The following GLIPR1 variants were observed in gnomAD, a reference collection of about 807,000 sequenced individuals.
GLIPR1 encodes GLI pathogenesis related 1, also known as glioma pathogenesis-related protein 1.
In GLIPR1, 38 loss-of-function variants were observed where a neutral mutation model predicts 30.3. The observed-to-expected ratio is 1.26, with a 90% CI of 0.97 to 1.65. The LOEUF is 1.65. GLIPR1 is among the 40% of genes most tolerant of loss of function. GLIPR1 has a pLI of 0.00. For missense variants in GLIPR1, 285 were observed against 326.5 expected (o/e 0.87, Z 0.98); for synonymous variants, 122 against 110.6 (o/e 1.10, Z -0.65).
Position 75,501,633 on chromosome 12 carries a change from T to TA in GLIPR1, c.*2656dup, listed in dbSNP as rs1425858555. On this transcript the variant is annotated 3_prime_UTR_variant, in exon 6 of 6. Transcript: ENST00000266659. ...AATGCTAAGAGAACTGATGAAAAGA[T>TA]ACAACTGTTTCTTAAAAAGATTCAG... 1 of 807,900 alleles carries TA rather than the reference T, an allele frequency of 1.2e-6. No individual in the cohort carries two copies. The allele number at this position is 807,900 out of a possible 1,614,324, so 50.0% of individuals were successfully genotyped here.
At chr12:75,493,247 C>G (rs2046333263) in intron 3 of GLIPR1, 1 of 152,138 alleles carries the variant, frequency 6.6e-6, no homozygotes, top group African/African-American at 2.4e-5. Flanking sequence ...ATTAGAGGAG[C>G]ATAAAAGGTA....
intron 2 of GLIPR1, among the ~76,000 whole-genome samples, 175 bp from the exon 3 acceptor site, chr12:75,490,231 A>C (rs912284759): frequency 3.3e-4 from 49 of 147,580 alleles, no homozygotes; most frequent in Middle Eastern, 3.5e-3. Flanking sequence ...ACACACACAC[A>C]CACCCCAATA....
intron 2 of GLIPR1, among the ~76,000 whole-genome samples, chr12:75,489,484 T>C (rs2120523550): frequency 6.6e-6 from 1 of 152,270 alleles, no homozygotes. Flanking sequence ...CAAGTTAATC[T>C]TCACTTGATA....
At chr12:75,481,104 T>C in intron 1 of GLIPR1, 50 bp downstream of exon 1, 6 of 1,426,052 alleles carry the variant, frequency 4.2e-6, no homozygotes, top group Non-Finnish European at 5.9e-6. Flanking sequence ...AAACAACTAA[T>C]GTGTATTGAC....
chr12:75,490,195 TCACACACACA>T lies in GLIPR1; in HGVS notation c.421-181_421-172del, dbSNP rs71829276. Among the ~76,000 whole-genome samples the T allele has an allele frequency of 8.0e-3, 1,128 of 141,590 alleles. 8 individuals carry two copies. The highest frequency in any genetic ancestry group is 0.024 in the African/African-American group (920 of 37,704). The allele number at this position is 141,590 out of a possible 152,430, so 92.9% of individuals were successfully genotyped here. ...TTGTACTGTCAAAAATTATCTTATT[TCACACACACA>T]CACACACACACACACACACACACAC... On this transcript the variant is annotated intron_variant, in intron 2 of 5. Transcript: ENST00000266659.
intron 4 of GLIPR1, chr12:75,495,955 A>G (rs977262630): frequency 2.6e-5 from 6 of 228,124 alleles, no homozygotes; most frequent in African/African-American, 1.4e-4. Flanking sequence ...AAGATCAAAA[A>G]TAAGTATAAC....
chr12:75,498,510 A>G, intron 4 of GLIPR1, 184 bp from the exon 5 acceptor site: 1 of 533,686 alleles, frequency 1.9e-6, no homozygotes, highest in Non-Finnish European at 3.3e-6. Flanking sequence ...GTAAAAAGTC[A>G]ACTTAAAAAT....
At chr12:75,497,727 C>T (rs948812476) in intron 4 of GLIPR1, 1 of 152,062 alleles carries the variant, frequency 6.6e-6, no homozygotes, top group Admixed American at 6.6e-5. Context: ...GGTATTCCTT[C>T]GTGGTCTCCT....
intron 3 of GLIPR1, chr12:75,492,867 T>C (rs1049324975): frequency 2.0e-5 from 3 of 152,186 alleles, no homozygotes; most frequent in African/African-American, 7.2e-5. Context: ...TAAGGAACTA[T>C]AAATAATACT....
intron 1 of GLIPR1, among the ~76,000 whole-genome samples, 167 bp from the exon 2 acceptor site, chr12:75,481,667 G>A (rs561847766): frequency 2.0e-5 from 3 of 152,184 alleles, no homozygotes; most frequent in East Asian, 1.9e-4. Context: ...AAATTGTCAC[G>A]TTTCCTACCA....
intron 2 of GLIPR1, among the ~76,000 whole-genome samples, chr12:75,485,125 C>T (rs1421469399): frequency 6.6e-6 from 1 of 152,160 alleles, no homozygotes; most frequent in South Asian, 2.1e-4. Context: ...GATATTACAA[C>T]CTCCTACTTA....
intron 2 of GLIPR1, among the ~76,000 whole-genome samples, chr12:75,488,598 G>C (rs1057058426): frequency 1.3e-5 from 2 of 152,120 alleles, no homozygotes; most frequent in Non-Finnish European, 2.9e-5. Flanking sequence ...AGATGGAGTT[G>C]CTCTAGTTCA....
intron 2 of GLIPR1, among the ~76,000 whole-genome samples, chr12:75,487,577 G>A (rs1478726501): frequency 1.3e-5 from 2 of 152,112 alleles, no homozygotes; most frequent in Non-Finnish European, 2.9e-5. Flanking sequence ...CCTTGCCAAA[G>A]GAGGGTACCC....
intron 2 of GLIPR1, among the ~76,000 whole-genome samples, chr12:75,487,554 G>A (rs180982796): frequency 5.9e-5 from 9 of 152,130 alleles, no homozygotes; most frequent in East Asian, 5.8e-4. Flanking sequence ...ATGGAGTAGG[G>A]AAGTACACTC....
intron 2 of GLIPR1, among the ~76,000 whole-genome samples, chr12:75,489,269 C>T (rs975305202): frequency 6.6e-6 from 1 of 152,176 alleles, no homozygotes. Context: ...TCCCATGTAA[C>T]AGCGCAGGTC....
rs2046378042 is a variant in GLIPR1, at chr12:75,499,756, T to C, written c.*778T>C. On this transcript the variant is annotated 3_prime_UTR_variant, in exon 6 of 6. Transcript: ENST00000266659. The stretch of plus-strand genomic sequence containing the variant: ...CAAATAAGGCAACTAATGCCTGATA[T>C]CTCAAAATCCTTTACAAAAGGAGAT... 3.6e-6 allele frequency: 5 copies of C among 1,407,882 alleles called. No individual in the cohort carries two copies. Among genetic ancestry groups the C allele is most frequent in the South Asian group, 1.5e-5 (1 of 68,678 alleles). 87.2% of individuals were successfully genotyped at this position (1,407,882 alleles called of 1,614,324 possible).
intron 3 of GLIPR1, chr12:75,493,658 G>C (rs933447401): frequency 6.6e-6 from 1 of 152,044 alleles, no homozygotes; most frequent in Admixed American, 6.6e-5. Flanking sequence ...ATTTGTCTTC[G>C]GTCTTCCCCT....
rs571813826 is a variant in GLIPR1 at position 75,482,367 on chromosome 12, C to G, written c.420+288C>G. ...TTCCATTTGTGAGAAATCAAAGAAC[C>G]TTATGAGTGAAAGGATTTTCAGGTT... On this transcript the variant is annotated intron_variant, in intron 2 of 5. Coordinates refer to ENST00000266659, the MANE Select transcript of GLIPR1 (RefSeq NM_006851.3). 4.6e-5 allele frequency among the ~76,000 whole-genome samples: 7 copies of G among 152,240 alleles called. No homozygotes were observed. In the South Asian group the frequency reaches 1.4e-3, roughly 32 times the overall value.
intron 4 of GLIPR1, chr12:75,497,911 G>A (rs534960936): frequency 5.9e-5 from 9 of 151,918 alleles, no homozygotes; most frequent in South Asian, 2.1e-4. Flanking sequence ...AAAATAACTA[G>A]AACATCACAC....
Sources: gnomAD v4.1 joint callset for allele counts (sites outside exome capture counted in the v4.1 genomes callset) on GRCh38, gnomAD v4.1.1 for gene constraint, MANE v1.5 for transcripts, NCBI Gene and HGNC (gene_info 2026-07-23, HGNC 2026-07-21) for gene names.